The following CDH4 variants were observed in gnomAD, a reference collection of about 807,000 sequenced individuals.
The protein encoded by CDH4 is cadherin 4, also known as cadherin-4.
In CDH4, 33 loss-of-function variants were observed where a neutral mutation model predicts 86.0. That is an observed-to-expected ratio of 0.38 (90% CI 0.29 to 0.51). The LOEUF (loss-of-function observed/expected upper bound fraction) is 0.51. Ranked by LOEUF, CDH4 falls within the 20% of genes least tolerant of loss-of-function variation. The pLI is 0.86. For missense variants in CDH4, 1,114 were observed against 1,307.4 expected (o/e 0.85, Z 2.28); for synonymous variants, 555 against 549.4 (o/e 1.01, Z -0.14).
At chr20:61,707,814 C>T (rs1010672426) in intron 2 of CDH4, among the ~76,000 whole-genome samples, 9 of 152,190 alleles carry the variant, frequency 5.9e-5, no homozygotes, top group Non-Finnish European at 1.5e-5. Flanking sequence ...GGTTCATGAT[C>T]GTGAGACTCT....
intron 2 of CDH4, among the ~76,000 whole-genome samples, chr20:61,473,139 A>G (rs1266074977): frequency 1.3e-5 from 2 of 152,232 alleles, no homozygotes; most frequent in East Asian, 1.9e-4. Flanking sequence ...AGAGATGAAA[A>G]TAGCACATTG....
Position 61,653,525 on chromosome 20 carries a change from G to T in CDH4, c.170-90038G>T, listed in dbSNP as rs543358115. 6.0e-4 allele frequency among the ~76,000 whole-genome samples: 86 copies of T among 144,186 alleles called. 1 individual carries two copies. The highest frequency in any genetic ancestry group is 2.1e-3 in the African/African-American group (83 of 40,222). 94.6% of individuals were successfully genotyped at this position (144,186 alleles called of 152,430 possible). A position where few individuals can be genotyped will look rare whatever the true frequency, so the allele number is the denominator to read the frequency against. ...CCAGTAGGGGCGGCCGGGCAGAGGC[G>T]CCCCTCACCTCCCGGACGGGGTGGC... On this transcript the variant is annotated intron_variant, in intron 2 of 15. Transcript: ENST00000614565.
At chr20:61,255,813 C>T (rs958010333) in intron 2 of CDH4, among the ~76,000 whole-genome samples, 1 of 152,186 alleles carries the variant, frequency 6.6e-6, no homozygotes, top group Non-Finnish European at 1.5e-5. Flanking sequence ...CATGCATGTG[C>T]GTGAACTCGC....
rs71331929 is a variant in CDH4 at position 61,771,621 on chromosome 20, CA to C, written c.397-1365del. Among the ~76,000 whole-genome samples the C allele has an allele frequency of 7.1e-3, 782 of 110,064 alleles. 16 individuals are homozygous for C. The highest frequency in any genetic ancestry group is 0.051 in the Admixed American group (558 of 10,958). 72.2% of individuals were successfully genotyped at this position (110,064 alleles called of 152,430 possible). A position where few individuals can be genotyped will look rare whatever the true frequency, so the allele number is the denominator to read the frequency against. Reference sequence around the variant, plus strand: ...TGGATGACACAGTGAGACTCCATCTCAAAAAAAAAAAAAAAAAGGAAAAAAT... The same window carrying C: ...TGGATGACACAGTGAGACTCCATCTCAAAAAAAAAAAAAAAAGGAAAAAAT... On this transcript the variant is annotated intron_variant, in intron 3 of 15. Transcript: ENST00000614565.
chr20:61,844,175 C>G, intron 4 of CDH4, among the ~76,000 whole-genome samples: 1 of 152,206 alleles, frequency 6.6e-6, no homozygotes, highest in East Asian at 1.9e-4. Flanking sequence ...CATTTCCTCC[C>G]CCAGTTAGCA....
At chr20:61,577,381 A>AT (rs2086390108) in intron 2 of CDH4, among the ~76,000 whole-genome samples, 1 of 151,066 alleles carries the variant, frequency 6.6e-6, no homozygotes, top group Non-Finnish European at 1.5e-5. Context: ...GGATGAGTGG[A>AT]TGTTTGTATA....
chr20:61,753,717 A>T (rs2145957739), intron 3 of CDH4, among the ~76,000 whole-genome samples: 1 of 152,290 alleles, frequency 6.6e-6, no homozygotes, highest in East Asian at 1.9e-4. Flanking sequence ...TGTTTATGAA[A>T]CTAATATTGT....
chr20:61,647,814 C>T (rs1477078471), intron 2 of CDH4, among the ~76,000 whole-genome samples: 1 of 152,150 alleles, frequency 6.6e-6, no homozygotes, highest in Non-Finnish European at 1.5e-5. Flanking sequence ...TAGGACAGTA[C>T]AGCAATGTGT....
chr20:61,820,535 G>A (rs927728973), intron 4 of CDH4, among the ~76,000 whole-genome samples: 7 of 152,202 alleles, frequency 4.6e-5, no homozygotes, highest in East Asian at 1.9e-4. Flanking sequence ...CGATCCTCAC[G>A]TCACCCTCAC....
chr20:61,741,065 T>C (rs981779246), intron 2 of CDH4, among the ~76,000 whole-genome samples: 13 of 152,142 alleles, frequency 8.5e-5, no homozygotes, highest in African/African-American at 2.9e-4. Context: ...AAGACTCAGC[T>C]GGGCATGGTG....
intron 2 of CDH4, among the ~76,000 whole-genome samples, chr20:61,357,104 G>T (rs1475613962): frequency 6.6e-6 from 1 of 152,192 alleles, no homozygotes; most frequent in African/African-American, 2.4e-5. Context: ...CTCCGCCCAG[G>T]CTAGAAGCAT....
chr20:61,554,885 C>CAG (rs11472677), intron 2 of CDH4, among the ~76,000 whole-genome samples: 1 of 152,020 alleles, frequency 6.6e-6, no homozygotes, highest in Non-Finnish European at 1.5e-5. Context: ...AGTAAGCTCA[C>CAG]GTTTTACATG....
In CDH4 at chr20:61,542,647, A is replaced by G. The variant is rs559522475; in HGVS notation, c.170-200916A>G. 3.9e-5 allele frequency among the ~76,000 whole-genome samples: 6 copies of G among 152,368 alleles called. No individual in the cohort carries two copies. In the South Asian group the frequency reaches 8.3e-4, roughly 21 times the overall value. On this transcript the variant is annotated intron_variant, in intron 2 of 15. Coordinates refer to ENST00000614565, the MANE Select transcript of CDH4 (RefSeq NM_001794.5). Reference sequence around the variant, plus strand: ...AGAAAACAAAAGCCCCTAACAGCCAAGTAAACTTTTGGAAACACAAGGGAA... The same window carrying G: ...AGAAAACAAAAGCCCCTAACAGCCAGGTAAACTTTTGGAAACACAAGGGAA...
intron 4 of CDH4, among the ~76,000 whole-genome samples, chr20:61,815,636 C>T (rs1471051851): frequency 6.6e-6 from 1 of 152,220 alleles, no homozygotes; most frequent in Non-Finnish European, 1.5e-5. Context: ...TGGTTGGCAT[C>T]TGTTTTAGCA....
intron 6 of CDH4, among the ~76,000 whole-genome samples, chr20:61,854,064 C>G (rs2086066135): frequency 6.6e-6 from 1 of 152,168 alleles, no homozygotes; most frequent in African/African-American, 2.4e-5. Flanking sequence ...AATGGGGTGT[C>G]CTGTATTTTC....
intron 2 of CDH4, among the ~76,000 whole-genome samples, chr20:61,326,206 G>T (rs953510680): frequency 2.0e-5 from 3 of 152,152 alleles, no homozygotes; most frequent in South Asian, 4.1e-4. Context: ...CTTCTCCACC[G>T]CACTGCCTTG....
At chr20:61,381,715 G>T (rs1462581885) in intron 2 of CDH4, among the ~76,000 whole-genome samples, 1 of 151,964 alleles carries the variant, frequency 6.6e-6, no homozygotes, top group African/African-American at 2.4e-5. Context: ...CCCCAATTTG[G>T]CCTTTGCATA....
At chr20:61,550,809 A>C (rs1181057665) in intron 2 of CDH4, among the ~76,000 whole-genome samples, 1 of 152,208 alleles carries the variant, frequency 6.6e-6, no homozygotes, top group Admixed American at 6.5e-5. Context: ...TGGAACAGCA[A>C]TGCTCCCAGA....
chr20:61,743,581 T>TGGGG lies in CDH4; in HGVS notation c.189_192dup (p.Thr65GlyfsTer8). The TGGGG allele has an allele frequency of 6.4e-7, 1 of 1,567,894 alleles. No individual in the cohort carries two copies. The highest frequency in any genetic ancestry group is 8.7e-7 in the Non-Finnish European group (1 of 1,155,142). On this transcript the variant is annotated frameshift_variant, in exon 3 of 16. Coordinates refer to ENST00000614565, the MANE Select transcript of CDH4 (RefSeq NM_001794.5). LOFTEE classifies it high-confidence loss of function. ...CTTGCAGTCAAGTTCAGCAGCTGTG[T>TGGGG]GGGGACCAAGGGGACACAATATGAG... is the stretch of plus-strand genomic sequence containing the variant.
Sources: gnomAD v4.1 joint callset for allele counts (sites outside exome capture counted in the v4.1 genomes callset) on GRCh38, gnomAD v4.1.1 for gene constraint, MANE v1.5 for transcripts, NCBI Gene and HGNC (gene_info 2026-07-23, HGNC 2026-07-21) for gene names.